The following MOB3B variants were observed in gnomAD, a reference collection of about 807,000 sequenced individuals.
The protein encoded by MOB3B is MOB kinase activator-like 2B.
A neutral mutation model predicts 18.7 loss-of-function variants in MOB3B; 7 were observed. That is an observed-to-expected ratio of 0.37 (90% CI 0.21 to 0.70). The LOEUF is 0.70. MOB3B is among the 30% of genes least tolerant of loss of function. The pLI, the probability that MOB3B is intolerant of heterozygous loss-of-function variation, is 0.52. For missense variants in MOB3B, 253 were observed against 281.3 expected, an observed-to-expected ratio of 0.90 and a Z score of 0.72; for synonymous variants, 111 against 99.9, an observed-to-expected ratio of 1.11 and a Z score of -0.66.
chr9:27,501,923 T>C (rs776131397), intron 1 of MOB3B, among the ~76,000 whole-genome samples: 3 of 152,178 alleles, frequency 2.0e-5, no homozygotes, highest in Non-Finnish European at 2.9e-5. Context: ...GAATTTTAAA[T>C]ATTACAGTTC....
chr9:27,430,524 T>C (rs1464334458), intron 2 of MOB3B, among the ~76,000 whole-genome samples: 2 of 152,224 alleles, frequency 1.3e-5, no homozygotes, highest in African/African-American at 4.8e-5. Context: ...CAATTTTACT[T>C]ATTTCATTTA....
chr9:27,352,068 A>G (rs1212082605), intron 3 of MOB3B, among the ~76,000 whole-genome samples: 3 of 152,136 alleles, frequency 2.0e-5, no homozygotes, highest in Admixed American at 2.0e-4. Flanking sequence ...ATGTTGAGAA[A>G]CTGCCCATCA....
chr9:27,439,112 T>C (rs1207834764), intron 2 of MOB3B, among the ~76,000 whole-genome samples: 1 of 152,174 alleles, frequency 6.6e-6, no homozygotes, highest in African/African-American at 2.4e-5. Flanking sequence ...CAAAGTCCCA[T>C]GCATTATCCT....
Position 27,330,590 on chromosome 9 carries a change from G to C in MOB3B, c.648C>G (p.His216Gln), listed in dbSNP as rs756016267. Residue 216 changes from histidine (H) to glutamine (Q), a missense_variant, in exon 4 of 4, where the codon CAC becomes CAG. His to Gln is a conservative substitution (Grantham distance 24). Coordinates refer to ENST00000262244, the MANE Select transcript of MOB3B (RefSeq NM_024761.5). ...PLKEMTSRMC[H>Q] ...TTCCAAAGGGTGAGGTGGAGCATTA[G>C]TGACACATCCTGCTCGTCATTTCTT... 4 of 1,614,050 alleles carry C rather than the reference G, an allele frequency of 2.5e-6. No individual in the cohort carries two copies. The South Asian group carries it at 4.4e-5, about 18-fold the overall frequency.
intron 1 of MOB3B, among the ~76,000 whole-genome samples, chr9:27,469,249 T>C (rs1465876792): frequency 6.6e-6 from 1 of 152,052 alleles, no homozygotes; most frequent in East Asian, 1.9e-4. Flanking sequence ...ATTACAGGGA[T>C]GAGTCACAGT....
intron 2 of MOB3B, among the ~76,000 whole-genome samples, chr9:27,396,154 T>C (rs980006747): frequency 2.6e-5 from 4 of 152,316 alleles, no homozygotes; most frequent in African/African-American, 7.2e-5. Flanking sequence ...TACATGTATT[T>C]TTTTCCTTCT....
intron 1 of MOB3B, among the ~76,000 whole-genome samples, chr9:27,502,014 G>A (rs1819999677): frequency 6.6e-6 from 1 of 152,168 alleles, no homozygotes; most frequent in Admixed American, 6.5e-5. Flanking sequence ...ACTAGAATCT[G>A]ACCCTGTTTG....
At position 27,326,543 on chromosome 9, in the gene MOB3B, C is replaced by T. The variant is rs116471423; in HGVS notation, c.*4044G>A. On this transcript the variant is annotated 3_prime_UTR_variant, in exon 4 of 4. Transcript: ENST00000262244. The stretch of plus-strand genomic sequence containing the variant: ...AGTGGGTTGGTTATACCAAAGAATG[C>T]TATAGAATTTCCATGCCCGAAGAAC... 3,312 of 398,468 alleles carry T rather than the reference C, an allele frequency of 8.3e-3. 80 individuals are homozygous for T. Among genetic ancestry groups the T allele is most frequent in the African/African-American group, 0.061 (2,969 of 48,696 alleles). 24.7% of individuals were successfully genotyped at this position (398,468 alleles called of 1,614,324 possible).
At chr9:27,419,757 G>A (rs142418870) in intron 2 of MOB3B, among the ~76,000 whole-genome samples, 7 of 152,248 alleles carry the variant, frequency 4.6e-5, no homozygotes, top group African/African-American at 1.7e-4. Context: ...AAGATTTCAT[G>A]ACCAAGAACC....
intron 2 of MOB3B, among the ~76,000 whole-genome samples, chr9:27,451,471 C>A (rs1346720054): frequency 1.3e-5 from 2 of 152,194 alleles, no homozygotes; most frequent in Non-Finnish European, 2.9e-5. Flanking sequence ...TAGCACGGGT[C>A]ACCTAGTTAA....
intron 1 of MOB3B, among the ~76,000 whole-genome samples, chr9:27,494,577 C>T (rs145110865): frequency 0.021 from 3,214 of 152,212 alleles, 102 homozygotes; most frequent in African/African-American, 0.073. Context: ...TGCAGTGGCG[C>T]GATCTTGGCT....
intron 1 of MOB3B, among the ~76,000 whole-genome samples, chr9:27,517,427 T>C (rs1488325243): frequency 6.6e-6 from 1 of 151,942 alleles, no homozygotes; most frequent in Non-Finnish European, 1.5e-5. Flanking sequence ...CGAGGTAGAT[T>C]ACCTGAGATC....
rs1372757519 is a variant in MOB3B at position 27,325,603 on chromosome 9, A to T, written c.*4984T>A. 1 of 152,238 alleles carries T rather than the reference A, an allele frequency of 6.6e-6. No homozygotes were observed. Among genetic ancestry groups the T allele is most frequent in the Non-Finnish European group, 1.5e-5 (1 of 68,030 alleles). The allele number at this position is 152,238 out of a possible 1,614,324, so 9.4% of individuals were successfully genotyped here. On this transcript the variant is annotated 3_prime_UTR_variant, in exon 4 of 4. Transcript: ENST00000262244. ...TGTTAATATATTTTTTAAGGCAGGA[A>T]AACAATCATTATTTCCAAACACACT... is the stretch of plus-strand genomic sequence containing the variant.
intron 3 of MOB3B, among the ~76,000 whole-genome samples, chr9:27,351,921 T>C (rs1821110594): frequency 6.6e-6 from 1 of 152,190 alleles, no homozygotes; most frequent in Non-Finnish European, 1.5e-5. Flanking sequence ...GCACCCGTTT[T>C]TAGAGGATAG....
intron 1 of MOB3B, among the ~76,000 whole-genome samples, chr9:27,514,609 C>T (rs974501828): frequency 6.6e-6 from 1 of 152,192 alleles, no homozygotes; most frequent in Admixed American, 6.5e-5. Context: ...AGGATCAGAT[C>T]TAGGCAAGGG....
At chr9:27,498,205 C>T (rs887005366) in intron 1 of MOB3B, among the ~76,000 whole-genome samples, 6 of 152,188 alleles carry the variant, frequency 3.9e-5, no homozygotes, top group Non-Finnish European at 7.3e-5. Flanking sequence ...TAAAAGGCCA[C>T]TATGTTGAAA....
chr9:27,340,308 C>G (rs934540743), intron 3 of MOB3B, among the ~76,000 whole-genome samples: 1 of 152,110 alleles, frequency 6.6e-6, no homozygotes, highest in East Asian at 1.9e-4. Context: ...TTATTCATAC[C>G]GATACAAAAA....
chr9:27,445,459 G>A (rs1192735670), intron 2 of MOB3B, among the ~76,000 whole-genome samples: 1 of 152,134 alleles, frequency 6.6e-6, no homozygotes, highest in Non-Finnish European at 1.5e-5. Context: ...GCCATCCCAT[G>A]TGCCTTGACA....
At chr9:27,482,927 G>C (rs1819682647) in intron 1 of MOB3B, among the ~76,000 whole-genome samples, 1 of 152,176 alleles carries the variant, frequency 6.6e-6, no homozygotes, top group African/African-American at 2.4e-5. Context: ...TCTTTTCCTA[G>C]AGTATCTTGC....
Sources: allele counts gnomAD v4.1 joint callset (sites outside exome capture counted in the v4.1 genomes callset), GRCh38; gene constraint gnomAD v4.1.1; transcripts MANE v1.5; gene names NCBI Gene and HGNC (gene_info 2026-07-23, HGNC 2026-07-21).